The following AUTS2 variants were observed in gnomAD, a reference collection of about 807,000 sequenced individuals.
AUTS2 encodes the protein autism susceptibility gene 2 protein.
Under a neutral mutation model 112.4 loss-of-function variants are expected in AUTS2, and 17 were observed. The observed-to-expected ratio is 0.15, with a 90% CI of 0.10 to 0.23. AUTS2 has a LOEUF of 0.23. AUTS2 is among the 10% of genes least tolerant of loss of function. The probability of loss-of-function intolerance (pLI) is 1.00; values close to 1 mark genes in which losing one functional copy is unlikely to be tolerated. For synonymous variants in AUTS2, 751 were observed against 702.7 expected (o/e 1.07, Z -1.09); for missense variants, 1,510 against 1,701.6 (o/e 0.89, Z 1.98).
intron 6 of AUTS2, among the ~76,000 whole-genome samples, chr7:70,719,631 T>A (rs1585566593): frequency 6.6e-6 from 1 of 152,130 alleles, no homozygotes; most frequent in East Asian, 1.9e-4. Context: ...GCCCAGCTAA[T>A]TTATGTATTT....
At chr7:70,002,704 G>A (rs1327886781) in intron 2 of AUTS2, among the ~76,000 whole-genome samples, 1 of 152,072 alleles carries the variant, frequency 6.6e-6, no homozygotes, top group East Asian at 1.9e-4. Context: ...TAAAGCTAAT[G>A]GTATTTTCAA....
chr7:70,716,991 G>T (rs1810410371), intron 6 of AUTS2, among the ~76,000 whole-genome samples: 1 of 104,750 alleles, frequency 9.5e-6, no homozygotes, highest in Non-Finnish European at 1.8e-5. Context: ...TCTCAGTGGA[G>T]TTATTTTTTT....
intron 5 of AUTS2, among the ~76,000 whole-genome samples, chr7:70,675,009 G>A (rs1455236693): frequency 5.3e-5 from 8 of 152,134 alleles, no homozygotes; most frequent in African/African-American, 1.4e-4. Flanking sequence ...TGCACCCTGC[G>A]ATTCAGGCTG....
intron 5 of AUTS2, among the ~76,000 whole-genome samples, chr7:70,577,810 T>A (rs915029877): frequency 4.0e-3 from 55 of 13,596 alleles, no homozygotes; most frequent in Admixed American, 0.013. Context: ...TTTATTGGGT[T>A]TTTTTTTAAT....
At chr7:70,750,694 A>G (rs1788762373) in intron 6 of AUTS2, among the ~76,000 whole-genome samples, 1 of 152,030 alleles carries the variant, frequency 6.6e-6, no homozygotes. Flanking sequence ...GAGCCACCAC[A>G]CCCGTCCAAC....
chr7:69,833,819 A>G (rs1015402201), intron 1 of AUTS2, among the ~76,000 whole-genome samples: 1 of 152,212 alleles, frequency 6.6e-6, no homozygotes, highest in Non-Finnish European at 1.5e-5. Context: ...TATTCCGATA[A>G]GTGTATTACA....
At chr7:70,401,733 A>G (rs1201537027) in intron 4 of AUTS2, among the ~76,000 whole-genome samples, 2 of 152,244 alleles carry the variant, frequency 1.3e-5, no homozygotes, top group Non-Finnish European at 2.9e-5. Context: ...GGCATGAGGC[A>G]GACATCTAGA....
intron 4 of AUTS2, among the ~76,000 whole-genome samples, chr7:70,211,345 T>G (rs1367139571): frequency 6.8e-6 from 1 of 146,260 alleles, no homozygotes; most frequent in Non-Finnish European, 1.5e-5. Context: ...TTTTTTTTTT[T>G]TTTAAAAGAA....
chr7:69,741,480 G>A lies in AUTS2; in HGVS notation c.309+141518G>A, dbSNP rs140226608. On this transcript the variant is annotated intron_variant, in intron 1 of 18. Coordinates refer to ENST00000342771, the MANE Select transcript of AUTS2 (RefSeq NM_015570.4). ...AGTACTTTGGGAGGCCAAGTTGGGC[G>A]GATTGCTTGAGCCCAGGAGTTCGAG... 2.9e-3 allele frequency among the ~76,000 whole-genome samples: 449 copies of A among 152,278 alleles called. 6 individuals are homozygous for A. The highest frequency in any genetic ancestry group is 0.01 in the African/African-American group (431 of 41,566).
Position 70,790,201 on chromosome 7 carries a change from G to T in AUTS2, c.2985G>T (p.Glu995Asp). The part of the protein sequence containing the change: ...ERKEDHDLPP[E>D]APQTHRASEP... ...AGGAAGACCATGACCTGCCTCCAGAGGCCCCGCAGACCCACCGGGCCTCGG... is the reference window on the plus strand; with the variant it reads ...AGGAAGACCATGACCTGCCTCCAGATGCCCCGCAGACCCACCGGGCCTCGG... Residue 995 changes from glutamate to aspartate, a missense_variant, in exon 19 of 19, where the codon GAG (glutamate) becomes GAT (aspartate). Glu to Asp is a conservative substitution (Grantham distance 45). Coordinates refer to ENST00000342771, the MANE Select transcript of AUTS2 (RefSeq NM_015570.4). This position sits in a 1 kb window ranked among gnomAD's most constrained non-coding sequence, Gnocchi z 7.6. 1 of 1,612,602 alleles carries T rather than the reference G, an allele frequency of 6.2e-7. No homozygotes were observed. The highest frequency in any genetic ancestry group is 8.5e-7 in the Non-Finnish European group (1 of 1,179,768).
chr7:70,457,640 T>C (rs979556658), intron 5 of AUTS2, among the ~76,000 whole-genome samples: 1 of 152,116 alleles, frequency 6.6e-6, no homozygotes, highest in Non-Finnish European at 1.5e-5. Flanking sequence ...ATGGACTGCA[T>C]TGGACAGAGG....
At chr7:70,134,250 T>G (rs1562726505) in intron 3 of AUTS2, among the ~76,000 whole-genome samples, 1 of 152,196 alleles carries the variant, frequency 6.6e-6, no homozygotes, top group Non-Finnish European at 1.5e-5. Flanking sequence ...ATGCCATCAT[T>G]AATTCATTAC....
At chr7:70,298,026 T>G (rs1025977557) in intron 4 of AUTS2, among the ~76,000 whole-genome samples, 11 of 152,064 alleles carry the variant, frequency 7.2e-5, no homozygotes, top group Middle Eastern at 3.4e-3. Context: ...TGGTTTTTTT[T>G]GGGTTTTTTT....
At chr7:70,773,823 A>G (rs41272933) in intron 11 of AUTS2, among the ~76,000 whole-genome samples, 1,620 of 152,290 alleles carry the variant, frequency 0.011, 16 homozygotes, top group Non-Finnish European at 0.019. Flanking sequence ...CTCTGCTTTT[A>G]CATGCCATTG....
intron 2 of AUTS2, among the ~76,000 whole-genome samples, chr7:70,004,560 C>T (rs988709719): frequency 1.3e-5 from 2 of 150,540 alleles, no homozygotes; most frequent in African/African-American, 4.9e-5. Flanking sequence ...AATTGATTAG[C>T]AAAGGCAGAT....
intron 1 of AUTS2, among the ~76,000 whole-genome samples, chr7:69,724,326 A>T (rs1786396025): frequency 6.6e-6 from 1 of 152,222 alleles, no homozygotes; most frequent in Non-Finnish European, 1.5e-5. Context: ...AACCTGCTAT[A>T]GACCTTGGCC....
intron 1 of AUTS2, among the ~76,000 whole-genome samples, chr7:69,658,226 A>G (rs139224276): frequency 1.3e-5 from 2 of 152,216 alleles, no homozygotes; most frequent in Non-Finnish European, 2.9e-5. Context: ...ATAGCCTAAA[A>G]TATTTGCTAT....
chr7:69,904,798 T>C (rs1480607711), intron 2 of AUTS2, among the ~76,000 whole-genome samples: 3 of 152,216 alleles, frequency 2.0e-5, no homozygotes, highest in Admixed American at 6.5e-5. Flanking sequence ...TACTACTTTT[T>C]CCCCTTGCCT....
At chr7:70,399,734 C>T (rs936486756) in intron 4 of AUTS2, among the ~76,000 whole-genome samples, 2 of 150,700 alleles carry the variant, frequency 1.3e-5, no homozygotes, top group African/African-American at 4.9e-5. Context: ...ATTGTAATAC[C>T]CAGCACAACT....
Sources: allele counts gnomAD v4.1 joint callset (sites outside exome capture counted in the v4.1 genomes callset), GRCh38; gene constraint gnomAD v4.1.1; non-coding constraint Gnocchi (gnomAD v3.1); transcripts MANE v1.5; gene names NCBI Gene and HGNC (gene_info 2026-07-23, HGNC 2026-07-21).